HDAC4: variants seen among roughly 807,000 people sequenced by gnomAD.
HDAC4 encodes the protein histone deacetylase 4.
A neutral mutation model predicts 135.1 loss-of-function variants in HDAC4; 16 were observed. The ratio of observed to expected loss-of-function variants is 0.12; its 90% CI spans 0.08 to 0.18. The LOEUF is 0.18. Among genes scored for constraint, HDAC4 ranks in the 10% least tolerant of loss-of-function variants. The pLI, the probability that HDAC4 is intolerant of heterozygous loss-of-function variation, is 1.00. For synonymous variants in HDAC4, 685 were observed against 653.4 expected (o/e 1.05, Z -0.74); for missense variants, 1,143 against 1,511.8 (o/e 0.76, Z 4.05).
Position 239,113,448 on chromosome 2 carries a change from G to A in HDAC4, c.1791+1605C>T, listed in dbSNP as rs370710804. 2.0e-3 allele frequency among the ~76,000 whole-genome samples: 310 copies of A among 152,312 alleles called. 4 individuals carry two copies. Among genetic ancestry groups the A allele is most frequent in the African/African-American group, 7.1e-3 (294 of 41,574 alleles). On this transcript the variant is annotated intron_variant, in intron 13 of 26. Coordinates refer to ENST00000543185, the MANE Select transcript of HDAC4 (RefSeq NM_001378414.1). The stretch of plus-strand genomic sequence containing the variant: ...GTTAATAAGCAATCCTCCCCGACGC[G>A]GGCTGGAGGTGCCCCGCCTTATGTT...
intron 1 of HDAC4, among the ~76,000 whole-genome samples, chr2:239,399,643 C>G (rs2126141285): frequency 6.6e-6 from 1 of 152,336 alleles, no homozygotes; most frequent in Non-Finnish European, 1.5e-5. Flanking sequence ...CAGGCTTACT[C>G]CCAGGCCTTA....
chr2:239,301,403 G>A (rs535850100), intron 2 of HDAC4, among the ~76,000 whole-genome samples: 3 of 152,118 alleles, frequency 2.0e-5, no homozygotes, highest in Admixed American at 6.5e-5. Flanking sequence ...GATGCCAGGC[G>A]AGGCCAGTGA....
intron 23 of HDAC4, among the ~76,000 whole-genome samples, chr2:239,067,261 GCTCCTGAAGCGTT>G (rs1312294719): frequency 6.6e-6 from 1 of 152,096 alleles, no homozygotes; most frequent in Non-Finnish European, 1.5e-5. Context: ...GGCTGCATGT[GCTCCTGAAGCGTT>G]CTCCCACGTC....
rs551587817 is a variant in HDAC4, at chr2:239,065,178, C to T, written c.3003+1544G>A. Among the ~76,000 whole-genome samples the T allele has an allele frequency of 3.1e-4, 47 of 152,314 alleles. No individual in the cohort carries two copies. The East Asian group carries it at 5.2e-3, about 17-fold the overall frequency. ...CTGCAGTCCCTGCCATCCCTCTGCC[C>T]GCCCCACAATGCCAGGCCAGAGCGC... On this transcript the variant is annotated intron_variant, in intron 24 of 26. Coordinates refer to ENST00000543185, the MANE Select transcript of HDAC4 (RefSeq NM_001378414.1).
chr2:239,053,223 T>G (rs1187026752), intron 26 of HDAC4, 87 bp from the exon 27 acceptor site: 2 of 1,532,892 alleles, frequency 1.3e-6, no homozygotes, highest in Admixed American at 3.6e-5. Context: ...AAAGGCTGTG[T>G]GCTGCCCCAC....
At chr2:239,075,848 C>G (rs1353216068) in intron 22 of HDAC4, among the ~76,000 whole-genome samples, 3 of 152,150 alleles carry the variant, frequency 2.0e-5, no homozygotes, top group African/African-American at 7.2e-5. Flanking sequence ...CAGCCACTCC[C>G]CTTGGTTTCC....
At chr2:239,361,114 G>A (rs780224492) in intron 1 of HDAC4, among the ~76,000 whole-genome samples, 1 of 152,116 alleles carries the variant, frequency 6.6e-6, no homozygotes, top group African/African-American at 2.4e-5. Context: ...TTGACATTAA[G>A]TAGTTGTTTG....
chr2:239,278,985 T>C (rs2050552736), intron 2 of HDAC4, among the ~76,000 whole-genome samples: 1 of 151,936 alleles, frequency 6.6e-6, no homozygotes, highest in Admixed American at 6.5e-5. Flanking sequence ...AACAAACAAA[T>C]AAAAAGACTA....
Position 239,309,199 on chromosome 2 carries a change from C to T in HDAC4, c.22+43479G>A, listed in dbSNP as rs994528277. 2 of 152,126 alleles carry T rather than the reference C, an allele frequency of 1.3e-5. No individual in the cohort carries two copies. Among genetic ancestry groups the T allele is most frequent in the Non-Finnish European group, 2.9e-5 (2 of 68,026 alleles). The allele number at this position is 152,126 out of a possible 1,614,324, so 9.4% of individuals were successfully genotyped here. On this transcript the variant is annotated intron_variant, in intron 2 of 26. Coordinates refer to ENST00000543185, the MANE Select transcript of HDAC4 (RefSeq NM_001378414.1). The surrounding 1 kb of genome is among the most constrained non-coding windows in gnomAD (Gnocchi z 4.2). Reference sequence around the variant, plus strand: ...AAGTCCTGCTCTCCCGGCGGCCTCGCTGGGGAAGAATTCAGCCGCTCCACC... The same window carrying T: ...AAGTCCTGCTCTCCCGGCGGCCTCGTTGGGGAAGAATTCAGCCGCTCCACC...
At chr2:239,119,480 C>T (rs59757188) in intron 12 of HDAC4, among the ~76,000 whole-genome samples, 53 of 151,616 alleles carry the variant, frequency 3.5e-4, no homozygotes, top group Non-Finnish European at 4.7e-4. Flanking sequence ...GCTAAGGGTG[C>T]GGGGACCAGA....
In HDAC4 at chr2:239,095,086, G is replaced by C; in HGVS notation, c.2234-30C>G. ...GGGGGGGAGGGAGACGGTCAGAGAG[G>C]CCAAGGGCACGCGGCCAAGGTGCTC... is the stretch of plus-strand genomic sequence containing the variant. On this transcript the variant is annotated intron_variant, in intron 16 of 26. Transcript: ENST00000543185. The C allele has an allele frequency of 1.9e-6, 3 of 1,613,460 alleles. No homozygotes were observed. In the South Asian group the frequency reaches 3.3e-5, roughly 18 times the overall value.
chr2:239,225,750 C>A (rs1447004492), intron 3 of HDAC4, among the ~76,000 whole-genome samples: 4 of 152,050 alleles, frequency 2.6e-5, no homozygotes, highest in Non-Finnish European at 5.9e-5. Flanking sequence ...CGTACTGCTA[C>A]CCAAGGGACA....
At chr2:239,254,168 G>T (rs1388145393) in intron 2 of HDAC4, among the ~76,000 whole-genome samples, 1 of 152,038 alleles carries the variant, frequency 6.6e-6, no homozygotes, top group Non-Finnish European at 1.5e-5. Flanking sequence ...TGTAGCCCCA[G>T]GAAGACAAAG....
chr2:239,111,432 C>T (rs991077849), intron 14 of HDAC4, 94 bp downstream of exon 14: 1 of 1,307,848 alleles, frequency 7.6e-7, no homozygotes, highest in Admixed American at 2.0e-5. Context: ...AGCCCCTCCT[C>T]AGCCTCTGCA....
Position 239,307,640 on chromosome 2 carries a change from T to G in HDAC4, c.22+45038A>C, listed in dbSNP as rs2052667708. 6.6e-6 allele frequency among the ~76,000 whole-genome samples: 1 copy of G among 152,218 alleles called. No individual in the cohort carries two copies. Among genetic ancestry groups the G allele is most frequent in the African/African-American group, 2.4e-5 (1 of 41,456 alleles). ...TTCCAAATAGCCAAACGACAACTCCTGCTCAAGAAAACGCATGCAAGAGAA... is the reference window on the plus strand; with the variant it reads ...TTCCAAATAGCCAAACGACAACTCCGGCTCAAGAAAACGCATGCAAGAGAA... On this transcript the variant is annotated intron_variant, in intron 2 of 26. Coordinates refer to ENST00000543185, the MANE Select transcript of HDAC4 (RefSeq NM_001378414.1). The surrounding 1 kb of genome is among the most constrained non-coding windows in gnomAD (Gnocchi z 4.8).
At chr2:239,380,352 T>TA (rs1695331694) in intron 1 of HDAC4, among the ~76,000 whole-genome samples, 1 of 152,140 alleles carries the variant, frequency 6.6e-6, no homozygotes, top group African/African-American at 2.4e-5. Flanking sequence ...ACATATGTTA[T>TA]AAATACACAT....
At chr2:239,241,928 A>C (rs1245340960) in intron 2 of HDAC4, among the ~76,000 whole-genome samples, 1 of 152,124 alleles carries the variant, frequency 6.6e-6, no homozygotes, top group Non-Finnish European at 1.5e-5. Context: ...ATAACTGTAC[A>C]ATAACTCTTA....
At chr2:239,095,656 A>G (rs1333554972) in intron 16 of HDAC4, among the ~76,000 whole-genome samples, 1 of 152,124 alleles carries the variant, frequency 6.6e-6, no homozygotes, top group Admixed American at 6.5e-5. Flanking sequence ...GCCTCCTCCC[A>G]TGGAAATCGG....
intron 4 of HDAC4, among the ~76,000 whole-genome samples, chr2:239,181,147 T>G (rs1480898559): frequency 6.6e-6 from 1 of 152,106 alleles, no homozygotes; most frequent in African/African-American, 2.4e-5. Flanking sequence ...TCCTCACAGA[T>G]GAAAAGCCCT....
Sources: allele counts gnomAD v4.1 joint callset (sites outside exome capture counted in the v4.1 genomes callset), GRCh38; gene constraint gnomAD v4.1.1; non-coding constraint Gnocchi (gnomAD v3.1); transcripts MANE v1.5; gene names NCBI Gene and HGNC (gene_info 2026-07-23, HGNC 2026-07-21).